RSRC2: variants seen among roughly 807,000 people sequenced by gnomAD.
The protein encoded by RSRC2 is arginine/serine-rich coiled-coil protein 2.
Under a neutral mutation model 61.3 loss-of-function variants are expected in RSRC2, and 5 were observed. That is an observed-to-expected ratio of 0.08 (90% CI 0.04 to 0.17). RSRC2 has a LOEUF of 0.17. Among genes scored for constraint, RSRC2 ranks in the 10% least tolerant of loss-of-function variants. The pLI, the probability that RSRC2 is intolerant of heterozygous loss-of-function variation, is 1.00. For synonymous variants in RSRC2, 202 were observed against 166.5 expected (o/e 1.21, Z -1.64); for missense variants, 381 against 518.8 (o/e 0.73, Z 2.58).
At chr12:122,523,894 A>G (rs1159727938) in intron 1 of RSRC2, 2 of 152,144 alleles carry the variant, frequency 1.3e-5, no homozygotes, top group Admixed American at 1.3e-4. Flanking sequence ...AATTAAAAAC[A>G]GAAAGGTTTT....
Position 122,511,163 on chromosome 12 carries a change from C to G in RSRC2, c.751G>C (p.Glu251Gln). The G allele has an allele frequency of 6.2e-7, 1 of 1,608,176 alleles. No homozygotes were observed. The highest frequency in any genetic ancestry group is 8.5e-7 in the Non-Finnish European group (1 of 1,179,222). Residue 251 changes from glutamate (E) to glutamine (Q), a missense_variant, in exon 7 of 10, where the codon GAA becomes CAA. By Grantham distance (29) the Glu-to-Gln change is conservative. This residue lies in a region of RSRC2 where 11 missense variants were observed against 37.8 expected (regional missense o/e 0.29). Coordinates refer to ENST00000331738, the MANE Select transcript of RSRC2 (RefSeq NM_023012.6). The stretch of plus-strand genomic sequence containing the variant: ...TCAACCATTTCCTTTTCTCGCTGTT[C>G]TTGTAATTTCTTTGCCCTTTCCAAC... ...RRLERAKKLQ[E>Q]QREKEMVEKQ...
rs1315998079 is a variant in RSRC2 at position 122,504,109 on chromosome 12, T to C, written c.*1418A>G. On this transcript the variant is annotated 3_prime_UTR_variant, in exon 10 of 10. Coordinates refer to ENST00000331738, the MANE Select transcript of RSRC2 (RefSeq NM_023012.6). ...TTTCATGTATAAAAAAAATACCTAATGAGCAAGTTGGCAAGACTTAATTCC... is the reference window on the plus strand; with the variant it reads ...TTTCATGTATAAAAAAAATACCTAACGAGCAAGTTGGCAAGACTTAATTCC... The C allele has an allele frequency of 1.3e-5, 2 of 152,138 alleles. No homozygotes were observed. The highest frequency in any genetic ancestry group is 4.8e-5 in the African/African-American group (2 of 41,428). 9.4% of individuals were successfully genotyped at this position (152,138 alleles called of 1,614,324 possible). A position where few individuals can be genotyped will look rare whatever the true frequency, so the allele number is the denominator to read the frequency against.
intron 6 of RSRC2, among the ~76,000 whole-genome samples, chr12:122,511,540 T>C (rs942636235): frequency 2.0e-5 from 3 of 152,232 alleles, no homozygotes; most frequent in Admixed American, 1.3e-4. Flanking sequence ...AATAAATTTA[T>C]AGAATTATCT....
At chr12:122,511,214 A>T in intron 6 of RSRC2, 26 bp from the exon 7 acceptor site, 1 of 1,503,340 alleles carries the variant, frequency 6.7e-7, no homozygotes. Context: ...CAATGAATTT[A>T]AAATAACACA....
At chr12:122,523,230 TA>T (rs1959496834) in intron 1 of RSRC2, 1 of 152,262 alleles carries the variant, frequency 6.6e-6, no homozygotes. Context: ...TAAAGGCACT[TA>T]AAACGCCAGT....
chr12:122,515,261 G>A, intron 5 of RSRC2, 34 bp from the exon 6 acceptor site: 1 of 1,595,276 alleles, frequency 6.3e-7, no homozygotes, highest in Non-Finnish European at 8.6e-7. Context: ...GTCAAATTAT[G>A]GCCAAGTCAT....
chr12:122,519,198 CTATTT>C, intron 3 of RSRC2, 169 bp from the exon 4 acceptor site: 1 of 562,846 alleles, frequency 1.8e-6, no homozygotes, highest in Middle Eastern at 4.8e-4. Context: ...GATGTAATTA[CTATTT>C]TTTTTACTAT....
chr12:122,505,755 A>G (rs779439201), intron 9 of RSRC2, 49 bp from the exon 10 acceptor site: 1 of 1,471,408 alleles, frequency 6.8e-7, no homozygotes, highest in South Asian at 1.2e-5. Context: ...GGAGATAAAT[A>G]TTCTCTCACT....
At chr12:122,521,761 G>C (rs771737966) in intron 2 of RSRC2, among the ~76,000 whole-genome samples, 7 of 152,230 alleles carry the variant, frequency 4.6e-5, no homozygotes, top group Middle Eastern at 6.8e-3. Context: ...AAGCCATTAA[G>C]AAAAATAAAA....
intron 6 of RSRC2, among the ~76,000 whole-genome samples, chr12:122,513,215 A>ATAAAT (rs1958653749): frequency 1.0e-5 from 1 of 98,350 alleles, no homozygotes; most frequent in Non-Finnish European, 2.2e-5. Flanking sequence ...AAATAAATAA[A>ATAAAT]TAAATAAATA....
intron 6 of RSRC2, 38 bp from the exon 7 acceptor site, chr12:122,511,226 T>A (rs765259492): frequency 1.4e-6 from 2 of 1,446,788 alleles, no homozygotes; most frequent in Admixed American, 1.8e-5. Context: ...AATAACACAA[T>A]ATAAAACCAT....
chr12:122,509,479 A>C (rs140046763), intron 7 of RSRC2, among the ~76,000 whole-genome samples: 4 of 151,702 alleles, frequency 2.6e-5, no homozygotes, highest in Admixed American at 6.6e-5. Context: ...AAAACAAAAA[A>C]AAACCCAAAA....
intron 6 of RSRC2, chr12:122,514,581 TA>T (rs79986881): frequency 0.3 from 242,698 of 798,692 alleles, no homozygotes; most frequent in Non-Finnish European, 0.33. Flanking sequence ...AGCAGAAAAT[TA>T]AAAAAAAAAA....
chr12:122,514,697 C>T (rs1958778703), intron 6 of RSRC2: 1 of 1,144,684 alleles, frequency 8.7e-7, no homozygotes, highest in African/African-American at 1.6e-5. Context: ...ATAATATTGA[C>T]AAAATTTTAC....
intron 4 of RSRC2, 69 bp from the exon 5 acceptor site, chr12:122,517,499 T>C (rs1372249438): frequency 8.2e-6 from 13 of 1,586,764 alleles, no homozygotes; most frequent in Non-Finnish European, 1.1e-5. Flanking sequence ...ACATCATGAA[T>C]TAGTTACTTG....
In RSRC2 at chr12:122,522,338, C is replaced by T. The variant is rs779970209; in HGVS notation, c.7-39G>A. 13 of 1,531,638 alleles carry T rather than the reference C, an allele frequency of 8.5e-6. No homozygotes were observed. The Admixed American group carries it at 2.9e-4, about 34-fold the overall frequency. The allele number at this position is 1,531,638 out of a possible 1,614,324, so 94.9% of individuals were successfully genotyped here. A position where few individuals can be genotyped will look rare whatever the true frequency, so the allele number is the denominator to read the frequency against. On this transcript the variant is annotated intron_variant, in intron 1 of 9. Transcript: ENST00000331738. ...AACAAATGATTAAAGTTCTTAATTA[C>T]ATTTTAAATGTTTTCAATTTCTTAA...
chr12:122,510,241 G>A (rs893352795), intron 7 of RSRC2, among the ~76,000 whole-genome samples: 6 of 152,090 alleles, frequency 3.9e-5, no homozygotes, highest in Non-Finnish European at 2.9e-5. Flanking sequence ...AATCGTAAAA[G>A]ACATCTGGGG....
rs140608487 is a variant in RSRC2 at position 122,514,266 on chromosome 12, G to GTTT, written c.725+838_725+839insAAA. ...AATTTATTTTTGTGTGTGTGTGTGT[G>GTTT]TGTGTTTTTTTTTTTTGAGACTGAG... On this transcript the variant is annotated intron_variant, in intron 6 of 9. Coordinates refer to ENST00000331738, the MANE Select transcript of RSRC2 (RefSeq NM_023012.6). Among the ~76,000 whole-genome samples the GTTT allele has an allele frequency of 2.4e-4, 33 of 137,290 alleles. 1 individual carries two copies. Among genetic ancestry groups the GTTT allele is most frequent in the Middle Eastern group, 3.8e-3 (1 of 266 alleles). 90.1% of individuals were successfully genotyped at this position (137,290 alleles called of 152,430 possible). A position where few individuals can be genotyped will look rare whatever the true frequency, so the allele number is the denominator to read the frequency against.
intron 7 of RSRC2, among the ~76,000 whole-genome samples, chr12:122,509,844 T>C (rs1038976806): frequency 6.6e-6 from 1 of 152,192 alleles, no homozygotes; most frequent in Non-Finnish European, 1.5e-5. Flanking sequence ...GTTTTTGTTT[T>C]TTTCTTTTTC....
Sources: allele counts gnomAD v4.1 joint callset (sites outside exome capture counted in the v4.1 genomes callset), GRCh38; gene constraint gnomAD v4.1.1; regional missense constraint gnomAD v4.1.1; transcripts MANE v1.5; gene names NCBI Gene and HGNC (gene_info 2026-07-23, HGNC 2026-07-21).